The following DAZAP2 variants were observed in gnomAD, a reference collection of about 807,000 sequenced individuals.
DAZAP2 encodes DAZ-associated protein 2.
DAZAP2 carries 3 observed loss-of-function variants against 16.2 expected under a neutral mutation model. The ratio of observed to expected loss-of-function variants is 0.19; its 90% CI spans 0.08 to 0.48. The LOEUF is 0.48. DAZAP2 is among the 20% of genes least tolerant of loss of function. DAZAP2 has a pLI of 0.98. For synonymous variants in DAZAP2, 69 were observed against 77.6 expected, an observed-to-expected ratio of 0.89 and a Z score of 0.58; for missense variants, 172 against 215.9, an observed-to-expected ratio of 0.80 and a Z score of 1.27.
rs1944650878 is a variant in DAZAP2 at position 51,240,332 on chromosome 12, T to G, written c.14-11T>G. On this transcript the variant is annotated splice_polypyrimidine_tract_variant and intron_variant, in intron 1 of 3. Coordinates refer to ENST00000412716, the MANE Select transcript of DAZAP2 (RefSeq NM_014764.4). ...GTAGTAGGCAACCTTCATTTTTTTC[T>G]TGTCTTTCAGGTCAATATCCAACAC... 6.2e-7 allele frequency: 1 copy of G among 1,610,146 alleles called. No individual in the cohort carries two copies. The highest frequency in any genetic ancestry group is 1.1e-5 in the South Asian group (1 of 91,008).
downstream of DAZAP2, chr12:51,245,130 C>G (rs1944749698): frequency 6.6e-6 from 1 of 152,100 alleles, no homozygotes; most frequent in Non-Finnish European, 1.5e-5. Context: ...CCCGGCCCTC[C>G]CAGGGTATGT....
In DAZAP2 at chr12:51,242,431, T is replaced by C; in HGVS notation, c.480T>C (p.Gly160=). 3 of 1,614,188 alleles carry C rather than the reference T, an allele frequency of 1.9e-6. No homozygotes were observed. The highest frequency in any genetic ancestry group is 2.5e-6 in the Non-Finnish European group (3 of 1,180,032). The change falls in exon 4 of 4, where the codon GGT becomes GGC. Residue 160 remains glycine, a synonymous_variant. Transcript: ENST00000412716. ...TQRKGNFFMG[G]SDGGYTIW ...GGAAGGGGAACTTCTTCATGGGTGG[T>C]TCAGATGGTGGCTACACCATCTGGT...
rs1944599860 is a variant in DAZAP2 at position 51,238,858 on chromosome 12, GA to G, written c.-43del. On this transcript the variant is annotated 5_prime_UTR_variant, in exon 1 of 4. Transcript: ENST00000412716. ...AAGTAGCTCCGAACAGGAAGAGGAC[GA>G]AAAAAATAACCGTCCGCGACGCCGA... is the stretch of plus-strand genomic sequence containing the variant. The G allele has an allele frequency of 1.9e-6, 3 of 1,612,344 alleles. No homozygotes were observed. Among genetic ancestry groups the G allele is most frequent in the South Asian group, 2.2e-5 (2 of 91,066 alleles).
Position 51,239,118 on chromosome 12 carries a change from C to T in DAZAP2, c.13+198C>T, listed in dbSNP as rs75361211. On this transcript the variant is annotated intron_variant, in intron 1 of 3. Transcript: ENST00000412716. ...CAGCTTGCTGCCTCCAGGCCCTTTC[C>T]TCCGTAAACTCTGTGGCGCAGTTTG... 5,072 of 729,148 alleles carry T rather than the reference C, an allele frequency of 7.0e-3. 53 individuals carry two copies. Among genetic ancestry groups the T allele is most frequent in the Admixed American group, 0.017 (532 of 31,246 alleles). 45.2% of individuals were successfully genotyped at this position (729,148 alleles called of 1,614,324 possible).
At chr12:51,240,585 CTA>C in intron 2 of DAZAP2, 124 bp downstream of exon 2, 1 of 1,036,968 alleles carries the variant, frequency 9.6e-7, no homozygotes, top group Non-Finnish European at 1.4e-6. Context: ...ATCTAAAACA[CTA>C]TATAATTTGG....
At chr12:51,246,083 A>G (rs1480550122), downstream of DAZAP2, 6 of 1,613,998 alleles carry the variant, frequency 3.7e-6, no homozygotes. Context: ...CAAGATCACG[A>G]CCGAGAGCAG....
chr12:51,245,808 C>T (rs1208144401), downstream of DAZAP2: 20 of 1,037,446 alleles, frequency 1.9e-5, no homozygotes, highest in Middle Eastern at 3.2e-4. Context: ...TTTGGGACTG[C>T]GACCTGGCTG....
intron 2 of DAZAP2, 28 bp from the exon 3 acceptor site, chr12:51,240,843 A>G (rs1396484617): frequency 5.0e-6 from 8 of 1,605,130 alleles, no homozygotes; most frequent in Non-Finnish European, 5.1e-6. Flanking sequence ...ATAAAGTAAC[A>G]TTTTGCCTTC....
chr12:51,240,796 G>A (rs2137282940), intron 2 of DAZAP2, 75 bp from the exon 3 acceptor site: 2 of 1,555,000 alleles, frequency 1.3e-6, no homozygotes, highest in Middle Eastern at 1.7e-4. Context: ...GGAGAATTAA[G>A]AATTAGCTCA....
chr12:51,238,840 T>A lies in DAZAP2; in HGVS notation c.-68T>A. The stretch of plus-strand genomic sequence containing the variant: ...GACCATCATGTGACACGGAAGTAGC[T>A]CCGAACAGGAAGAGGACGAAAAAAA... On this transcript the variant is annotated 5_prime_UTR_variant, in exon 1 of 4. Transcript: ENST00000412716. 1 of 1,609,928 alleles carries A rather than the reference T, an allele frequency of 6.2e-7. No homozygotes were observed. Among genetic ancestry groups the A allele is most frequent in the Non-Finnish European group, 8.5e-7 (1 of 1,179,198 alleles).
intron 2 of DAZAP2, 143 bp from the exon 3 acceptor site, chr12:51,240,728 A>T (rs1944660181): frequency 8.6e-7 from 1 of 1,161,724 alleles, no homozygotes; most frequent in Non-Finnish European, 1.2e-6. Context: ...CCAGGAGAAT[A>T]TTGAAGGCCA....
In DAZAP2 at chr12:51,242,986, T is replaced by C. The variant is rs138200161; in HGVS notation, c.*528T>C. 9 of 1,060,408 alleles carry C rather than the reference T, an allele frequency of 8.5e-6. No individual in the cohort carries two copies. In the Admixed American group the frequency reaches 2.1e-4, roughly 25 times the overall value. The allele number at this position is 1,060,408 out of a possible 1,614,324, so 65.7% of individuals were successfully genotyped here. The stretch of plus-strand genomic sequence containing the variant: ...TTCCATTTCCTCCCGCCAGTCTCCA[T>C]TGAATCAATGGTGCAGGACAGAAAG... On this transcript the variant is annotated 3_prime_UTR_variant, in exon 4 of 4. Transcript: ENST00000412716.
downstream of DAZAP2, chr12:51,246,153 C>G (rs1944767607): frequency 1.2e-6 from 2 of 1,609,962 alleles, no homozygotes; most frequent in Admixed American, 3.3e-5. Context: ...AGAGATGTTT[C>G]AGGATTGAGG....
chr12:51,245,700 G>A (rs1173382842), downstream of DAZAP2: 1 of 463,624 alleles, frequency 2.2e-6, no homozygotes, highest in Non-Finnish European at 3.9e-6. Context: ...CATCTTGTTG[G>A]CCAGTCACAA....
In DAZAP2 at chr12:51,243,241, G is replaced by A. The variant is rs1944713065; in HGVS notation, c.*783G>A. 6 of 985,858 alleles carry A rather than the reference G, an allele frequency of 6.1e-6. No homozygotes were observed. In the South Asian group the frequency reaches 2.8e-4, roughly 46 times the overall value. 61.1% of individuals were successfully genotyped at this position (985,858 alleles called of 1,614,324 possible). ...AATTTGCTTTGGTGCCAGAAAAACT[G>A]AGCTATGTTTGAACAAAGATGTCGT... On this transcript the variant is annotated 3_prime_UTR_variant, in exon 4 of 4. Transcript: ENST00000412716.
downstream of DAZAP2, chr12:51,245,749 T>C: frequency 6.8e-6 from 4 of 584,784 alleles, no homozygotes; most frequent in Non-Finnish European, 1.2e-5. Context: ...AAAGATATCA[T>C]AAACAGCTTT....
downstream of DAZAP2, chr12:51,245,846 TGCTTCTCCCTG>T (rs1379107984): frequency 7.1e-7 from 1 of 1,412,978 alleles, no homozygotes; most frequent in Non-Finnish European, 9.6e-7. Context: ...CATCAATCAA[TGCTTCTCCCTG>T]GCTTCAGAGA....
downstream of DAZAP2, among the ~76,000 whole-genome samples, chr12:51,244,375 T>G (rs551623500): frequency 6.6e-6 from 1 of 152,270 alleles, no homozygotes; most frequent in Middle Eastern, 3.4e-3. Context: ...TTCTGTACTT[T>G]TAGTAGAGAC....
rs57917280 is a variant in DAZAP2, at chr12:51,241,042, T to G, written c.304T>G (p.Ser102Ala). 2.7e-4 allele frequency: 442 copies of G among 1,614,170 alleles called. No homozygotes were observed. In the African/African-American group the frequency reaches 5.3e-3, roughly 19 times the overall value. ...AGTCGGTCCCATCTATCCACCTGGC[T>G]CCACAGTGCTGGTGGAAGGAGGGTA... is the stretch of plus-strand genomic sequence containing the variant. Reference protein sequence around the residue: ...YPVGPIYPPGSTVLVEGGYDA... With the variant: ...YPVGPIYPPGATVLVEGGYDA... Residue 102 changes from serine to alanine, a missense_variant, in exon 3 of 4, where the codon TCC (serine) becomes GCC (alanine). Ser to Ala is a moderately conservative substitution (Grantham distance 99). Coordinates refer to ENST00000412716, the MANE Select transcript of DAZAP2 (RefSeq NM_014764.4).
Sources: gnomAD v4.1 joint callset for allele counts (sites outside exome capture counted in the v4.1 genomes callset) on GRCh38, gnomAD v4.1.1 for gene constraint, MANE v1.5 for transcripts, NCBI Gene and HGNC (gene_info 2026-07-23, HGNC 2026-07-21) for gene names.